Variants in GPM6B observed in about 807,000 individuals in gnomAD.
GPM6B encodes the protein glycoprotein M6B, also known as neuronal membrane glycoprotein M6-b.
Under a neutral mutation model 27.2 loss-of-function variants are expected in GPM6B, and 4 were observed. That is an observed-to-expected ratio of 0.15 (90% confidence interval 0.07 to 0.34). The LOEUF is 0.34. Ranked by LOEUF, GPM6B falls within the 10% of genes least tolerant of loss-of-function variation. The pLI is 1.00. For missense variants in GPM6B, 183 were observed against 261.9 expected, an observed-to-expected ratio of 0.70 and a Z score of 2.08; for synonymous variants, 124 against 103.1, an observed-to-expected ratio of 1.20 and a Z score of -1.23.
At chrX:13,883,678 C>T (rs1283937424) in intron 1 of GPM6B, among the ~76,000 whole-genome samples, 7 of 82,280 alleles carry the variant, frequency 8.5e-5, no homozygotes, top group South Asian at 1.4e-3. Context: ...GGGAACATAA[C>T]GAGACTTCGT....
At chrX:13,869,864 A>C (rs1341051653) in intron 1 of GPM6B, among the ~76,000 whole-genome samples, 3 of 112,113 alleles carry the variant, frequency 2.7e-5, no homozygotes, top group African/African-American at 9.7e-5. Flanking sequence ...CACAGAACTT[A>C]TTTGGATTTC....
At chrX:13,836,905 A>G (rs12011994) in intron 1 of GPM6B, among the ~76,000 whole-genome samples, 5,148 of 112,361 alleles carry the variant, frequency 0.046, 138 homozygotes, top group East Asian at 0.15. Context: ...AGTGCTCACG[A>G]GGAACAAAAT....
chrX:13,856,521 T>C (rs2147247007), intron 1 of GPM6B, among the ~76,000 whole-genome samples: 1 of 111,720 alleles, frequency 9.0e-6, no homozygotes, highest in South Asian at 3.8e-4. Flanking sequence ...AAGCAAAGAA[T>C]GCTATTTTTA....
intron 2 of GPM6B, among the ~76,000 whole-genome samples, chrX:13,789,087 C>G (rs1214353916): frequency 8.9e-6 from 1 of 111,935 alleles, no homozygotes; most frequent in Non-Finnish European, 1.9e-5. Context: ...GCCAACATGA[C>G]TAGAAGCTAG....
At chrX:13,826,279 A>C (rs1395918249) in intron 1 of GPM6B, among the ~76,000 whole-genome samples, 2 of 110,903 alleles carry the variant, frequency 1.8e-5, no homozygotes, top group Admixed American at 9.6e-5. Flanking sequence ...AGAGTGAAGG[A>C]GACAAGGAAT....
intron 1 of GPM6B, among the ~76,000 whole-genome samples, chrX:13,832,480 C>G (rs1251348109): frequency 9.0e-6 from 1 of 111,702 alleles, no homozygotes; most frequent in Non-Finnish European, 1.9e-5. Context: ...GTCAATGGCC[C>G]TCAGACTAAA....
At chrX:13,888,458 C>T (rs909325460) in intron 1 of GPM6B, among the ~76,000 whole-genome samples, 14 of 112,352 alleles carry the variant, frequency 1.2e-4, no homozygotes, top group African/African-American at 4.5e-4. Flanking sequence ...GCGGTTCAAA[C>T]TCTGTCCTCT....
At chrX:13,881,483 G>A (rs2050097265) in intron 1 of GPM6B, among the ~76,000 whole-genome samples, 2 of 107,232 alleles carry the variant, frequency 1.9e-5, no homozygotes, top group Non-Finnish European at 3.9e-5. Flanking sequence ...CTGCACCCCG[G>A]CCTGGGTGAC....
chrX:13,847,331 G>GAA (rs2049662175), intron 1 of GPM6B, among the ~76,000 whole-genome samples: 2 of 111,829 alleles, frequency 1.8e-5, no homozygotes. Context: ...TTACCAATGA[G>GAA]TTTCTCTCCA....
In GPM6B at chrX:13,863,432, G is replaced by A. The variant is rs16979325; in HGVS notation, c.-198+74895C>T. ...CACACGCACAGTGGTTTCCAAGACA[G>A]ACTCAGTGAAAACTATGCTTGAAGA... On this transcript the variant is annotated intron_variant, in intron 1 of 6. Coordinates refer to the GPM6B transcript ENST00000398361. Among the ~76,000 whole-genome samples the A allele has an allele frequency of 2.1e-3, 239 of 111,542 alleles. 1 individual carries two copies. The highest frequency in any genetic ancestry group is 7.6e-3 in the African/African-American group (235 of 30,741).
chrX:13,836,894 G>A (rs993476267), intron 1 of GPM6B, among the ~76,000 whole-genome samples: 1 of 111,773 alleles, frequency 8.9e-6, no homozygotes, highest in African/African-American at 3.3e-5. Context: ...CTGAGCTAAG[G>A]AGTGCTCACG....
At chrX:13,926,363 G>A (rs1325972759) in intron 1 of GPM6B, among the ~76,000 whole-genome samples, 3 of 108,058 alleles carry the variant, frequency 2.8e-5, no homozygotes, top group Non-Finnish European at 5.7e-5. Context: ...AGCCCAGATT[G>A]CGCCACTGCA....
chrX:13,885,021 T>C (rs1197774488), intron 1 of GPM6B, among the ~76,000 whole-genome samples: 1 of 111,960 alleles, frequency 8.9e-6, no homozygotes, highest in African/African-American at 3.2e-5. Flanking sequence ...GGCATCTCTA[T>C]ATATTCTTCA....
rs993825284 is a variant in GPM6B at position 13,816,896 on chromosome X, T to C, written c.9A>G (p.Pro3=). 1.7e-6 allele frequency: 2 copies of C among 1,207,064 alleles called. No homozygotes were observed. The highest frequency in any genetic ancestry group is 2.2e-6 in the Non-Finnish European group (2 of 893,574). Residue 3 remains proline, a synonymous_variant, in exon 1 of 8, where the codon CCA becomes CCG. Transcript: ENST00000316715. The stretch of plus-strand genomic sequence containing the variant: ...TTTCCTCGGCTGCAGTTTCCATGGC[T>C]GGCTTCATACCATCCACCAAAAATG... MK[P]AMETAAEENT... is the part of the protein sequence containing the mutation.
rs948205931 is a variant in GPM6B, at chrX:13,793,238, C to T, written c.182-7430G>A. On this transcript the variant is annotated intron_variant, in intron 2 of 7. Coordinates refer to ENST00000316715, the MANE Select transcript of GPM6B (RefSeq NM_001001995.3). ...ACCCAGACATTCCTTTCTATGGATT[C>T]CAGGTCTTTACATAATTTTTAAATC... Among the ~76,000 whole-genome samples, 3 of 111,309 alleles carry T rather than the reference C, an allele frequency of 2.7e-5. No homozygotes were observed. In the East Asian group the frequency reaches 8.4e-4, roughly 31 times the overall value.
At chrX:13,856,032 T>C (rs151242556) in intron 1 of GPM6B, among the ~76,000 whole-genome samples, 3 of 111,962 alleles carry the variant, frequency 2.7e-5, no homozygotes, top group South Asian at 3.8e-4. Flanking sequence ...CCTGCCAGTA[T>C]GGAGTTCTTA....
At chrX:13,889,526 G>A (rs1199303218) in intron 1 of GPM6B, 2 of 111,404 alleles carry the variant, frequency 1.8e-5, no homozygotes, top group Non-Finnish European at 3.8e-5. Flanking sequence ...TTCAAGCCAC[G>A]GTGAGTGCCA....
At chrX:13,836,816 C>G (rs775223399) in intron 1 of GPM6B, among the ~76,000 whole-genome samples, 7 of 112,486 alleles carry the variant, frequency 6.2e-5, no homozygotes, top group African/African-American at 2.3e-4. Context: ...AGCACTTTTG[C>G]AGGTCTTAAT....
At chrX:13,825,141 A>AC (rs1349817979) in intron 1 of GPM6B, among the ~76,000 whole-genome samples, 1 of 111,353 alleles carries the variant, frequency 9.0e-6, no homozygotes. Flanking sequence ...CAAAGACCCT[A>AC]CTTCCAAATA....
Sources: allele counts gnomAD v4.1 joint callset (sites outside exome capture counted in the v4.1 genomes callset), GRCh38; gene constraint gnomAD v4.1.1; transcripts MANE v1.5; gene names NCBI Gene and HGNC (gene_info 2026-07-23, HGNC 2026-07-21).